TNR: variants seen among roughly 807,000 people sequenced by gnomAD.
The protein encoded by TNR is tenascin R.
A neutral mutation model predicts 150.4 loss-of-function variants in TNR; 45 were observed. The ratio of observed to expected loss-of-function variants is 0.30; its 90% CI spans 0.24 to 0.38. TNR has a LOEUF of 0.38. TNR is among the 10% of genes least tolerant of loss of function. The pLI is 1.00. For synonymous variants in TNR, 687 were observed against 678.4 expected (o/e 1.01, Z -0.20); for missense variants, 1,544 against 1,759.1 (o/e 0.88, Z 2.19).
At chr1:175,354,550 G>T in intron 17 of TNR, 27 bp from the exon 18 acceptor site, 1 of 1,613,628 alleles carries the variant, frequency 6.2e-7, no homozygotes, top group Non-Finnish European at 8.5e-7. Flanking sequence ...AGGAAGGGTG[G>T]TGGAAGGGAG....
At chr1:175,336,558 G>A (rs1018954347) in intron 19 of TNR, among the ~76,000 whole-genome samples, 6 of 152,246 alleles carry the variant, frequency 3.9e-5, no homozygotes, top group Non-Finnish European at 1.5e-5. Context: ...AGGGCCAAGT[G>A]GTGGGAACTC....
intron 9 of TNR, among the ~76,000 whole-genome samples, chr1:175,374,653 T>C (rs1035569066): frequency 6.6e-6 from 1 of 152,206 alleles, no homozygotes; most frequent in African/African-American, 2.4e-5. Context: ...GTAAAGCTTC[T>C]GGATTTCCTA....
chr1:175,651,203 TA>T (rs1664981743), intron 1 of TNR, among the ~76,000 whole-genome samples: 1 of 149,550 alleles, frequency 6.7e-6, no homozygotes, highest in Admixed American at 6.7e-5. Flanking sequence ...CCCACCTCAT[TA>T]CTCCTCCTCC....
intron 2 of TNR, among the ~76,000 whole-genome samples, chr1:175,494,232 T>C (rs569698537): frequency 1.5e-4 from 23 of 152,064 alleles, no homozygotes; most frequent in African/African-American, 4.6e-4. Flanking sequence ...TGGGCACAGG[T>C]GGCACTGGCA....
intron 1 of TNR, among the ~76,000 whole-genome samples, chr1:175,725,275 T>C (rs1667447292): frequency 6.6e-6 from 1 of 152,206 alleles, no homozygotes; most frequent in Non-Finnish European, 1.5e-5. Context: ...TCCCAATCTC[T>C]AGAACTAGAA....
chr1:175,418,791 TC>T (rs1195654446), intron 2 of TNR, among the ~76,000 whole-genome samples: 1 of 152,008 alleles, frequency 6.6e-6, no homozygotes, highest in Non-Finnish European at 1.5e-5. Context: ...AGGGCTTGGT[TC>T]CTGGGATAGT....
intron 2 of TNR, among the ~76,000 whole-genome samples, chr1:175,484,234 T>C (rs918167711): frequency 6.6e-6 from 1 of 152,198 alleles, no homozygotes; most frequent in African/African-American, 2.4e-5. Flanking sequence ...AAACTCTCCA[T>C]TCCAACCATC....
rs552841128 is a variant in TNR, at chr1:175,669,079, T to G, written c.-165+74147A>C. On this transcript the variant is annotated intron_variant, in intron 1 of 22. Coordinates refer to ENST00000367674, the MANE Select transcript of TNR (RefSeq NM_003285.3). ...CAGAGGCCCTCCTCCTTTGTCAGAA[T>G]CCAATCACATCAGCTCCTGCCTCAG... Among the ~76,000 whole-genome samples, 246 of 152,282 alleles carry G rather than the reference T, an allele frequency of 1.6e-3. 1 individual carries two copies. Among genetic ancestry groups the G allele is most frequent in the South Asian group, 3.5e-3 (17 of 4,830 alleles).
intron 18 of TNR, among the ~76,000 whole-genome samples, chr1:175,348,566 C>T (rs1291151203): frequency 6.6e-6 from 1 of 151,990 alleles, no homozygotes; most frequent in East Asian, 1.9e-4. Context: ...TATGGAATAC[C>T]ATATGGAAAA....
chr1:175,611,677 G>A (rs186254230), intron 1 of TNR, among the ~76,000 whole-genome samples: 15 of 152,080 alleles, frequency 9.9e-5, no homozygotes. Context: ...TTTCCCTCAT[G>A]TTGACCCACT....
intron 4 of TNR, among the ~76,000 whole-genome samples, chr1:175,401,355 G>C (rs1653694477): frequency 6.6e-6 from 1 of 152,194 alleles, no homozygotes; most frequent in Admixed American, 6.5e-5. Context: ...GTGTCCTCCA[G>C]ATGGGGTCTC....
chr1:175,344,034 C>T (rs983450187), intron 18 of TNR, among the ~76,000 whole-genome samples: 1 of 152,182 alleles, frequency 6.6e-6, no homozygotes, highest in African/African-American at 2.4e-5. Flanking sequence ...TTTATTAAAG[C>T]AAGAAAGCAC....
chr1:175,610,869 G>A (rs1406874607), intron 1 of TNR, among the ~76,000 whole-genome samples: 1 of 152,238 alleles, frequency 6.6e-6, no homozygotes, highest in Non-Finnish European at 1.5e-5. Context: ...CAGTAAGAGA[G>A]AAGGGGAGAG....
chr1:175,698,537 T>C (rs921916871), intron 1 of TNR, among the ~76,000 whole-genome samples: 20 of 151,738 alleles, frequency 1.3e-4, no homozygotes, highest in African/African-American at 4.8e-4. Context: ...GCAAAGCCAG[T>C]GGGAAATAAG....
At chr1:175,330,276 G>T (rs1571296357) in intron 20 of TNR, 41 bp from the exon 21 acceptor site, 1 of 1,454,996 alleles carries the variant, frequency 6.9e-7, no homozygotes, top group Non-Finnish European at 9.2e-7. Flanking sequence ...CTGGCCCCCA[G>T]CAGCTTTGGA....
At chr1:175,352,911 G>A (rs1651123487) in intron 18 of TNR, among the ~76,000 whole-genome samples, 1 of 152,186 alleles carries the variant, frequency 6.6e-6, no homozygotes. Context: ...GAGACACCTG[G>A]TGGGGCTGGG....
chr1:175,657,808 A>ATGTAAATGACGAGTTAAT (rs1665228693), intron 1 of TNR, among the ~76,000 whole-genome samples: 2 of 137,696 alleles, frequency 1.5e-5, no homozygotes, highest in Non-Finnish European at 3.1e-5. Context: ...GATATACCTA[A>ATGTAAATGACGAGTTAAT]TGTAAATGAC....
chr1:175,352,665 A>G (rs995148286), intron 18 of TNR, among the ~76,000 whole-genome samples: 1 of 152,230 alleles, frequency 6.6e-6, no homozygotes, highest in South Asian at 2.1e-4. Flanking sequence ...TGGTAAAGAT[A>G]CATCTTGGAT....
intron 1 of TNR, among the ~76,000 whole-genome samples, chr1:175,544,721 G>A (rs1660620021): frequency 6.6e-6 from 1 of 152,206 alleles, no homozygotes; most frequent in Admixed American, 6.5e-5. Context: ...ATGACAACCT[G>A]GTGAAGGAAG....
Sources: gnomAD v4.1 joint callset for allele counts (sites outside exome capture counted in the v4.1 genomes callset) on GRCh38, gnomAD v4.1.1 for gene constraint, MANE v1.5 for transcripts, NCBI Gene and HGNC (gene_info 2026-07-23, HGNC 2026-07-21) for gene names.